The following ENOX1 variants were observed in gnomAD, a reference collection of about 807,000 sequenced individuals.
The protein encoded by ENOX1 is ecto-NOX disulfide-thiol exchanger 1.
A neutral mutation model predicts 82.5 loss-of-function variants in ENOX1; 42 were observed. The ratio of observed to expected loss-of-function variants is 0.51; its 90% CI spans 0.40 to 0.66. The LOEUF is 0.66. Ranked by LOEUF, ENOX1 falls within the 30% of genes least tolerant of loss-of-function variation. ENOX1 has a pLI of 0.00. For synonymous variants in ENOX1, 271 were observed against 282.2 expected, an observed-to-expected ratio of 0.96 and a Z score of 0.40; for missense variants, 608 against 811.6, an observed-to-expected ratio of 0.75 and a Z score of 3.05.
intron 5 of ENOX1, among the ~76,000 whole-genome samples, chr13:43,373,895 A>G (rs551036428): frequency 6.6e-6 from 1 of 152,344 alleles, no homozygotes; most frequent in South Asian, 2.1e-4. Context: ...TTGGAGGAGC[A>G]TTCCTTAATG....
chr13:43,580,410 G>T (rs1227454359), intron 2 of ENOX1, among the ~76,000 whole-genome samples: 1 of 152,194 alleles, frequency 6.6e-6, no homozygotes, highest in Non-Finnish European at 1.5e-5. Flanking sequence ...CTCACCAGTC[G>T]TAAATTTGGA....
At chr13:43,468,725 C>T (rs1002337326) in intron 3 of ENOX1, among the ~76,000 whole-genome samples, 3 of 151,566 alleles carry the variant, frequency 2.0e-5, no homozygotes, top group African/African-American at 7.3e-5. Flanking sequence ...ATTTTGCTAA[C>T]TTAAGCTTTC....
rs1031110309 is a variant in ENOX1 at position 43,411,705 on chromosome 13, A to T, written c.208+211T>A. On this transcript the variant is annotated intron_variant, in intron 5 of 16. Transcript: ENST00000690772. The stretch of plus-strand genomic sequence containing the variant: ...TGTTGCAAGACTGTGTATAGCAATA[A>T]CAGTTAGTGTGGCTTTTTCTGAGAA... 3.9e-5 allele frequency among the ~76,000 whole-genome samples: 6 copies of T among 152,362 alleles called. 1 individual carries two copies. Among genetic ancestry groups the T allele is most frequent in the African/African-American group, 1.4e-4 (6 of 41,586 alleles).
At chr13:43,696,756 A>G (rs1238644553) in intron 1 of ENOX1, among the ~76,000 whole-genome samples, 1 of 151,718 alleles carries the variant, frequency 6.6e-6, no homozygotes, top group Non-Finnish European at 1.5e-5. Flanking sequence ...TTCAAGACGT[A>G]CGTAAATAAT....
intron 12 of ENOX1, among the ~76,000 whole-genome samples, chr13:43,297,488 T>A (rs548842801): frequency 6.6e-6 from 1 of 152,280 alleles, no homozygotes; most frequent in African/African-American, 2.4e-5. Flanking sequence ...AAAATACCCA[T>A]GATGATAATA....
chr13:43,370,849 T>C (rs1410307215), intron 5 of ENOX1, among the ~76,000 whole-genome samples: 1 of 152,096 alleles, frequency 6.6e-6, no homozygotes, highest in African/African-American at 2.4e-5. Flanking sequence ...TCATCTGGAG[T>C]ACTGCAAAGG....
At chr13:43,466,464 A>G (rs1053406064) in intron 3 of ENOX1, among the ~76,000 whole-genome samples, 2 of 152,140 alleles carry the variant, frequency 1.3e-5, no homozygotes, top group Admixed American at 1.3e-4. Context: ...TTACTCCTCA[A>G]ATGGGAAGTC....
chr13:43,488,841 G>T (rs1165722662), intron 2 of ENOX1, among the ~76,000 whole-genome samples: 1 of 152,180 alleles, frequency 6.6e-6, no homozygotes, highest in African/African-American at 2.4e-5. Context: ...GGCCGTCTTT[G>T]TTATAAAATG....
At chr13:43,620,163 A>G (rs1231827182) in intron 2 of ENOX1, among the ~76,000 whole-genome samples, 1 of 151,932 alleles carries the variant, frequency 6.6e-6, no homozygotes, top group Non-Finnish European at 1.5e-5. Context: ...AATCTTGCCA[A>G]TGGTCTATCA....
In ENOX1 at chr13:43,227,223, G is replaced by A. The variant is rs114817519; in HGVS notation, c.1715-3085C>T. ...CACCAGAAATGGGAGGACCTAGAGT[G>A]CCTCTGTGAAGTTGGCACCCTCTGT... On this transcript the variant is annotated intron_variant, in intron 15 of 16. Coordinates refer to ENST00000690772, the MANE Select transcript of ENOX1 (RefSeq NM_001347969.2). Among the ~76,000 whole-genome samples, 265 of 152,236 alleles carry A rather than the reference G, an allele frequency of 1.7e-3. 1 individual carries two copies. Among genetic ancestry groups the A allele is most frequent in the African/African-American group, 6.3e-3 (260 of 41,516 alleles).
Position 43,658,207 on chromosome 13 carries a change from T to A in ENOX1, c.-219+9272A>T, listed in dbSNP as rs561286030. On this transcript the variant is annotated intron_variant, in intron 2 of 16. Coordinates refer to ENST00000690772, the MANE Select transcript of ENOX1 (RefSeq NM_001347969.2). ...AAAATATGTTATTTGAAGTTTTATA[T>A]CTACTTAATATTCTACAAATGAATG... Among the ~76,000 whole-genome samples the A allele has an allele frequency of 4.6e-5, 7 of 152,356 alleles. No individual in the cohort carries two copies. In the East Asian group the frequency reaches 1.3e-3, roughly 29 times the overall value.
intron 2 of ENOX1, among the ~76,000 whole-genome samples, chr13:43,535,345 A>C (rs1177881648): frequency 6.6e-6 from 1 of 152,240 alleles, no homozygotes; most frequent in Admixed American, 6.5e-5. Context: ...CTAGCTGAGC[A>C]AAAACATATG....
intron 1 of ENOX1, among the ~76,000 whole-genome samples, chr13:43,740,057 G>A (rs1382456564): frequency 6.7e-6 from 1 of 149,546 alleles, no homozygotes; most frequent in African/African-American, 2.6e-5. Flanking sequence ...CTTTTCAACT[G>A]TGCAAGTGGT....
At chr13:43,672,005 A>G (rs1303104767) in intron 1 of ENOX1, among the ~76,000 whole-genome samples, 2 of 152,206 alleles carry the variant, frequency 1.3e-5, no homozygotes, top group African/African-American at 4.8e-5. Flanking sequence ...AAAAACTATG[A>G]GAGGTGCTTT....
intron 1 of ENOX1, among the ~76,000 whole-genome samples, chr13:43,755,130 C>T (rs1006760871): frequency 6.6e-6 from 1 of 151,656 alleles, no homozygotes; most frequent in African/African-American, 2.4e-5. Context: ...ACACAAAACA[C>T]TTCTCCATTC....
chr13:43,609,869 T>C, intron 2 of ENOX1: 1 of 954,274 alleles, frequency 1.0e-6, no homozygotes, highest in Non-Finnish European at 1.2e-6. Context: ...ATTAATCTAC[T>C]ACTAGGGACT....
At chr13:43,370,586 C>G (rs577042151) in intron 5 of ENOX1, among the ~76,000 whole-genome samples, 2 of 152,268 alleles carry the variant, frequency 1.3e-5, no homozygotes, top group Admixed American at 6.5e-5. Flanking sequence ...TCTGAATGTA[C>G]TCCACAGCAA....
chr13:43,647,379 C>T (rs2083944178), intron 2 of ENOX1, among the ~76,000 whole-genome samples: 1 of 152,190 alleles, frequency 6.6e-6, no homozygotes, highest in African/African-American at 2.4e-5. Flanking sequence ...CCCTTTTAGA[C>T]ACACTGATCC....
chr13:43,633,688 A>ATGTGTGTGTG (rs59390732), intron 2 of ENOX1, among the ~76,000 whole-genome samples: 10,238 of 150,134 alleles, frequency 0.068, 435 homozygotes, highest in Non-Finnish European at 0.097. Context: ...AAATGTGTGT[A>ATGTGTGTGTG]TGTGTGTGTG....
Sources: allele counts gnomAD v4.1 joint callset (sites outside exome capture counted in the v4.1 genomes callset), GRCh38; gene constraint gnomAD v4.1.1; transcripts MANE v1.5; gene names NCBI Gene and HGNC (gene_info 2026-07-23, HGNC 2026-07-21).